The following KIAA1958 variants were observed in gnomAD, a reference collection of about 807,000 sequenced individuals.
KIAA1958 encodes uncharacterized protein KIAA1958.
In KIAA1958, 14 loss-of-function variants were observed where a neutral mutation model predicts 47.2. The observed-to-expected ratio is 0.30, with a 90% confidence interval of 0.20 to 0.46. The LOEUF (loss-of-function observed/expected upper bound fraction) is 0.46. Among genes scored for constraint, KIAA1958 ranks in the 20% least tolerant of loss-of-function variants. The pLI is 1.00. For missense variants in KIAA1958, 803 were observed against 909.2 expected, an observed-to-expected ratio of 0.88 and a Z score of 1.50; for synonymous variants, 354 against 353.3, an observed-to-expected ratio of 1.00 and a Z score of -0.02.
intron 2 of KIAA1958, among the ~76,000 whole-genome samples, chr9:112,622,825 G>A (rs369467411): frequency 6.6e-6 from 1 of 152,076 alleles, no homozygotes; most frequent in South Asian, 2.1e-4. Flanking sequence ...TGACTTTATT[G>A]AGATGAGAAT....
intron 1 of KIAA1958, among the ~76,000 whole-genome samples, chr9:112,512,347 A>G (rs906369309): frequency 6.6e-6 from 1 of 152,232 alleles, no homozygotes; most frequent in Non-Finnish European, 1.5e-5. Flanking sequence ...TTAACATTCA[A>G]AACTCAGGAA....
At chr9:112,608,652 A>G (rs1836275120) in intron 2 of KIAA1958, among the ~76,000 whole-genome samples, 1 of 152,038 alleles carries the variant, frequency 6.6e-6, no homozygotes, top group South Asian at 2.1e-4. Context: ...TTAATCGGGC[A>G]TGGTGTCACA....
intron 2 of KIAA1958, among the ~76,000 whole-genome samples, chr9:112,631,273 G>A (rs1479514274): frequency 8.6e-5 from 13 of 151,892 alleles, no homozygotes; most frequent in Non-Finnish European, 1.6e-4. Flanking sequence ...CTGCAGTCCC[G>A]GCACTTTGGG....
chr9:112,638,562 A>T (rs955518176), intron 2 of KIAA1958, among the ~76,000 whole-genome samples: 4 of 152,112 alleles, frequency 2.6e-5, no homozygotes, highest in African/African-American at 9.7e-5. Context: ...CAGCATTGTT[A>T]TTCTACGTGC....
intron 1 of KIAA1958, among the ~76,000 whole-genome samples, chr9:112,520,430 A>G (rs1359340254): frequency 1.3e-5 from 2 of 152,224 alleles, no homozygotes; most frequent in South Asian, 2.1e-4. Flanking sequence ...ATGATACTCT[A>G]TATTACTCCA....
At chr9:112,527,128 T>A (rs942781925) in intron 1 of KIAA1958, among the ~76,000 whole-genome samples, 3 of 152,222 alleles carry the variant, frequency 2.0e-5, no homozygotes, top group African/African-American at 7.2e-5. Context: ...GGTTACTCTG[T>A]CACACAATTA....
At chr9:112,632,193 G>A (rs531287207) in intron 2 of KIAA1958, among the ~76,000 whole-genome samples, 10 of 151,894 alleles carry the variant, frequency 6.6e-5, no homozygotes, top group East Asian at 1.9e-4. Context: ...ATTATAAATC[G>A]TTTTATTTTT....
At chr9:112,630,683 T>C (rs1489043576) in intron 2 of KIAA1958, among the ~76,000 whole-genome samples, 3 of 152,210 alleles carry the variant, frequency 2.0e-5, no homozygotes, top group Non-Finnish European at 4.4e-5. Flanking sequence ...TTCAGACACA[T>C]TTTTTGTGTC....
In KIAA1958 at chr9:112,659,596, G is replaced by A. The variant is rs1837225604; in HGVS notation, c.1678G>A (p.Val560Ile). The change falls in exon 4 of 4, where the codon GTC becomes ATC. Residue 560 changes from valine to isoleucine, a missense_variant. Around this residue, in one of 2 missense-constraint regions of KIAA1958, gnomAD observed 761 missense variants for 829.3 expected, o/e 0.92. Transcript: ENST00000337530. The part of the protein sequence containing the change: ...DSPITLLSTV[V>I]KYNSQYLNMR... ...CCCTATCACTCTCCTGTCCACTGTGGTCAAGTACAACAGCCAGTACCTGAA... is the reference window on the plus strand; with the variant it reads ...CCCTATCACTCTCCTGTCCACTGTGATCAAGTACAACAGCCAGTACCTGAA... 7 of 1,613,784 alleles carry A rather than the reference G, an allele frequency of 4.3e-6. No individual in the cohort carries two copies. Among genetic ancestry groups the A allele is most frequent in the African/African-American group, 1.3e-5 (1 of 75,042 alleles).
intron 1 of KIAA1958, among the ~76,000 whole-genome samples, chr9:112,539,674 A>G (rs1382976702): frequency 2.0e-5 from 3 of 151,692 alleles, no homozygotes; most frequent in Non-Finnish European, 4.4e-5. Flanking sequence ...TTAAAAGTAT[A>G]TATATATATT....
chr9:112,622,173 A>G (rs949279668), intron 2 of KIAA1958, among the ~76,000 whole-genome samples: 2 of 152,246 alleles, frequency 1.3e-5, no homozygotes, highest in Admixed American at 1.3e-4. Flanking sequence ...GCAGAGGCAG[A>G]TGTCAAAATT....
chr9:112,543,572 T>TC (rs1457839096), intron 1 of KIAA1958, among the ~76,000 whole-genome samples: 1 of 676 alleles, frequency 1.5e-3, no homozygotes, highest in Admixed American at 0.012. Flanking sequence ...AGCTTCTTTT[T>TC]TTTTTTTTTT....
intron 2 of KIAA1958, among the ~76,000 whole-genome samples, chr9:112,602,358 A>C (rs1368418335): frequency 1.3e-5 from 2 of 152,326 alleles, no homozygotes; most frequent in African/African-American, 4.8e-5. Context: ...TCGTACGATC[A>C]CTAACCAGGG....
At chr9:112,567,023 A>C (rs1211107143) in intron 1 of KIAA1958, among the ~76,000 whole-genome samples, 1 of 152,234 alleles carries the variant, frequency 6.6e-6, no homozygotes, top group African/African-American at 2.4e-5. Context: ...ATTATGACAT[A>C]GAATTAAGGA....
chr9:112,549,407 A>G (rs1012221362), intron 1 of KIAA1958, among the ~76,000 whole-genome samples: 10 of 152,180 alleles, frequency 6.6e-5, no homozygotes, highest in Non-Finnish European at 1.2e-4. Flanking sequence ...GTCTCAAGGA[A>G]ATGAAAGTGT....
intron 2 of KIAA1958, among the ~76,000 whole-genome samples, chr9:112,621,539 G>T (rs1238628833): frequency 6.6e-6 from 1 of 152,106 alleles, no homozygotes; most frequent in Non-Finnish European, 1.5e-5. Context: ...GTTTATTAAG[G>T]TACTAAAATG....
At position 112,645,649 on chromosome 9, in the gene KIAA1958, G is replaced by T; in HGVS notation, c.1172-1G>T. Reference sequence around the variant, plus strand: ...AATGCTTTTATTGTTTTTATTTCTAGCTTATTCCACTAAGCTCAACAAATT... The same window carrying T: ...AATGCTTTTATTGTTTTTATTTCTATCTTATTCCACTAAGCTCAACAAATT... On this transcript the variant is annotated splice_acceptor_variant, in intron 2 of 3. Transcript: ENST00000337530. LOFTEE classifies it high-confidence loss of function. 1 of 1,582,638 alleles carries T rather than the reference G, an allele frequency of 6.3e-7. No individual in the cohort carries two copies.
At chr9:112,637,597 C>T (rs1836826161) in intron 2 of KIAA1958, among the ~76,000 whole-genome samples, 1 of 151,502 alleles carries the variant, frequency 6.6e-6, no homozygotes, top group South Asian at 2.1e-4. Context: ...AGGCTGGTCT[C>T]GAACTCCAAA....
chr9:112,646,413 A>C (rs975544103), intron 3 of KIAA1958, among the ~76,000 whole-genome samples: 16 of 152,258 alleles, frequency 1.1e-4, no homozygotes, highest in African/African-American at 3.9e-4. Context: ...TAAAATCTGC[A>C]AGCATCCTAA....
Sources: allele counts gnomAD v4.1 joint callset (sites outside exome capture counted in the v4.1 genomes callset), GRCh38; gene constraint gnomAD v4.1.1; regional missense constraint gnomAD v4.1.1; transcripts MANE v1.5; gene names NCBI Gene and HGNC (gene_info 2026-07-23, HGNC 2026-07-21).